The following KCNIP4 variants were observed in gnomAD, a reference collection of about 807,000 sequenced individuals.
KCNIP4 encodes potassium voltage-gated channel interacting protein 4.
In KCNIP4, 12 loss-of-function variants were observed where a neutral mutation model predicts 34.0. The ratio of observed to expected loss-of-function variants is 0.35; its 90% CI spans 0.23 to 0.57. KCNIP4 has a LOEUF of 0.57. KCNIP4 is among the 20% of genes least tolerant of loss of function. The pLI is 0.83. For missense variants in KCNIP4, 238 were observed against 311.7 expected, an observed-to-expected ratio of 0.76 and a Z score of 1.78; for synonymous variants, 124 against 102.2, an observed-to-expected ratio of 1.21 and a Z score of -1.29.
chr4:21,455,539 GATAA>G (rs1389908720), intron 1 of KCNIP4, among the ~76,000 whole-genome samples: 2 of 151,172 alleles, frequency 1.3e-5, no homozygotes, highest in Admixed American at 6.6e-5. Context: ...ATGACAGATA[GATAA>G]ATAGATAGAT....
chr4:21,338,961 T>C (rs932839869), intron 1 of KCNIP4, among the ~76,000 whole-genome samples: 1 of 152,158 alleles, frequency 6.6e-6, no homozygotes, highest in African/African-American at 2.4e-5. Flanking sequence ...GTAGGTTCTA[T>C]AGGAATCTAT....
chr4:21,237,857 G>A (rs1005492565), intron 1 of KCNIP4, among the ~76,000 whole-genome samples: 1 of 152,160 alleles, frequency 6.6e-6, no homozygotes, highest in African/African-American at 2.4e-5. Flanking sequence ...GAAAAAGAGG[G>A]AATCCTCCCT....
chr4:21,329,493 A>G (rs1715411484), intron 1 of KCNIP4, among the ~76,000 whole-genome samples: 1 of 152,218 alleles, frequency 6.6e-6, no homozygotes, highest in South Asian at 2.1e-4. Flanking sequence ...AAATAATACA[A>G]TGAGGTTATT....
intron 1 of KCNIP4, among the ~76,000 whole-genome samples, chr4:21,832,864 C>G (rs367899323): frequency 9.3e-5 from 14 of 150,704 alleles, no homozygotes; most frequent in Admixed American, 2.6e-4. Flanking sequence ...TCTTGCGATA[C>G]TTTACTGAGA....
At chr4:21,477,598 A>G (rs1449024543) in intron 1 of KCNIP4, among the ~76,000 whole-genome samples, 27 of 152,296 alleles carry the variant, frequency 1.8e-4, no homozygotes, top group Non-Finnish European at 4.4e-5. Context: ...TATATAACTA[A>G]CTTTCCTTGA....
At chr4:21,560,428 A>T (rs554715989) in intron 1 of KCNIP4, among the ~76,000 whole-genome samples, 5 of 152,176 alleles carry the variant, frequency 3.3e-5, no homozygotes, top group Non-Finnish European at 7.4e-5. Flanking sequence ...AAAGTTCAGA[A>T]AATTAAATAT....
intron 1 of KCNIP4, among the ~76,000 whole-genome samples, chr4:21,838,365 G>A (rs76737064): frequency 0.05 from 7,579 of 152,214 alleles, 259 homozygotes; most frequent in African/African-American, 0.089. Context: ...TGGGACAATC[G>A]CAATGGACAA....
chr4:21,054,015 T>A (rs1286958358), intron 1 of KCNIP4, among the ~76,000 whole-genome samples: 1 of 152,120 alleles, frequency 6.6e-6, no homozygotes, highest in Non-Finnish European at 1.5e-5. Context: ...AATGATTTTG[T>A]AGATATTGAC....
chr4:21,472,995 G>C (rs1730596012), intron 1 of KCNIP4, among the ~76,000 whole-genome samples: 1 of 152,162 alleles, frequency 6.6e-6, no homozygotes, highest in Non-Finnish European at 1.5e-5. Flanking sequence ...CATCAGGTTT[G>C]GTCATGTGAT....
chr4:21,192,936 ACTAC>A, intron 1 of KCNIP4, among the ~76,000 whole-genome samples: 1 of 141,370 alleles, frequency 7.1e-6, no homozygotes, highest in East Asian at 2.1e-4. Context: ...TACTACTACT[ACTAC>A]TACTACTACT....
At chr4:21,436,473 T>C (rs1726952967) in intron 1 of KCNIP4, among the ~76,000 whole-genome samples, 2 of 152,206 alleles carry the variant, frequency 1.3e-5, no homozygotes, top group Admixed American at 6.5e-5. Flanking sequence ...AACTAACATT[T>C]GCACAGAACA....
intron 1 of KCNIP4, among the ~76,000 whole-genome samples, chr4:21,776,842 A>C (rs1193391633): frequency 6.6e-6 from 1 of 151,938 alleles, no homozygotes; most frequent in African/African-American, 2.4e-5. Flanking sequence ...GGCTCCTTTC[A>C]ACCCCCGCCT....
At chr4:21,840,168 T>C (rs960752537) in intron 1 of KCNIP4, among the ~76,000 whole-genome samples, 1 of 151,484 alleles carries the variant, frequency 6.6e-6, no homozygotes, top group Non-Finnish European at 1.5e-5. Flanking sequence ...GGTTAGGGCA[T>C]GGCAAGCACA....
intron 1 of KCNIP4, among the ~76,000 whole-genome samples, chr4:21,123,138 T>C (rs1027398450): frequency 5.9e-5 from 9 of 151,840 alleles, no homozygotes; most frequent in African/African-American, 2.2e-4. Context: ...GGCGTGAACC[T>C]GGAAGGCGGA....
intron 1 of KCNIP4, among the ~76,000 whole-genome samples, chr4:21,903,200 G>A (rs1311368171): frequency 6.6e-6 from 1 of 152,092 alleles, no homozygotes; most frequent in East Asian, 1.9e-4. Context: ...TAGAATGATA[G>A]TTTATTTCTT....
At chr4:21,763,029 G>A (rs1718165940) in intron 1 of KCNIP4, 2 of 1,288,638 alleles carry the variant, frequency 1.6e-6, no homozygotes, top group South Asian at 1.2e-5. Flanking sequence ...CTCAATAACC[G>A]CTTCTAGATT....
chr4:20,885,513 C>G (rs1194784908), intron 1 of KCNIP4, among the ~76,000 whole-genome samples: 1 of 152,142 alleles, frequency 6.6e-6, no homozygotes, highest in Non-Finnish European at 1.5e-5. Context: ...TTTCCATTAC[C>G]CATCAACTAT....
At chr4:20,953,178 T>C in intron 1 of KCNIP4, among the ~76,000 whole-genome samples, 1 of 152,274 alleles carries the variant, frequency 6.6e-6, no homozygotes, top group South Asian at 2.1e-4. Flanking sequence ...CAACTGTCTT[T>C]CCTTGCAGTC....
intron 1 of KCNIP4, among the ~76,000 whole-genome samples, chr4:20,887,451 A>T (rs1725433493): frequency 6.6e-6 from 1 of 151,846 alleles, no homozygotes; most frequent in Non-Finnish European, 1.5e-5. Flanking sequence ...ACATAGCTGT[A>T]GGCAAAATGC....
Sources: allele counts gnomAD v4.1 joint callset (sites outside exome capture counted in the v4.1 genomes callset), GRCh38; gene constraint gnomAD v4.1.1; transcripts MANE v1.5; gene names NCBI Gene and HGNC (gene_info 2026-07-23, HGNC 2026-07-21).